BTN2A2: variants seen among roughly 807,000 people sequenced by gnomAD.
BTN2A2 encodes the protein butyrophilin 2.
BTN2A2 carries 29 observed loss-of-function variants against 34.7 expected under a neutral mutation model. That is an observed-to-expected ratio of 0.84 (90% confidence interval 0.62 to 1.14). BTN2A2 has a LOEUF of 1.14. BTN2A2 is among the 50% of genes most tolerant of loss of function. BTN2A2 has a pLI of 0.00. For missense variants in BTN2A2, 612 were observed against 651.5 expected, an observed-to-expected ratio of 0.94 and a Z score of 0.66; for synonymous variants, 240 against 253.1, an observed-to-expected ratio of 0.95 and a Z score of 0.49.
Position 26,393,744 on chromosome 6 carries a change from G to A in BTN2A2, c.*777G>A. ...CTACGTCAGCATTCAGGTTCAATGG[G>A]GACACCAGTGGCTTCAAACTTCCTG... is the stretch of plus-strand genomic sequence containing the variant. On this transcript the variant is annotated 3_prime_UTR_variant, in exon 8 of 8. Transcript: ENST00000356709. 1 of 986,780 alleles carries A rather than the reference G, an allele frequency of 1.0e-6. No homozygotes were observed. The highest frequency in any genetic ancestry group is 1.2e-6 in the Non-Finnish European group (1 of 831,078). The allele number at this position is 986,780 out of a possible 1,614,324, so 61.1% of individuals were successfully genotyped here. A position where few individuals can be genotyped will look rare whatever the true frequency, so the allele number is the denominator to read the frequency against.
Position 26,392,195 on chromosome 6 carries a change from T to C in BTN2A2, c.980-180T>C, listed in dbSNP as rs1440990478. ...GGCACTGCTTCTGTCTCTGGAGAGA[T>C]AGAAGTGCAGCTTCCGTAATTCTCA... On this transcript the variant is annotated intron_variant, in intron 7 of 7. Transcript: ENST00000356709. 2.6e-6 allele frequency: 4 copies of C among 1,522,190 alleles called. No homozygotes were observed. The Admixed American group carries it at 5.9e-5, about 22-fold the overall frequency. The allele number at this position is 1,522,190 out of a possible 1,614,324, so 94.3% of individuals were successfully genotyped here.
rs1761721192 is a variant in BTN2A2 at position 26,393,317 on chromosome 6, A to C, written c.*350A>C. The C allele has an allele frequency of 1.6e-6, 2 of 1,246,976 alleles. No homozygotes were observed. Among genetic ancestry groups the C allele is most frequent in the African/African-American group, 3.1e-5 (2 of 65,090 alleles). The allele number at this position is 1,246,976 out of a possible 1,614,324, so 77.2% of individuals were successfully genotyped here. ...TAAGCCCAATATGCCAGTTGGCACCAGATGCTGTGGACTTGGAATGAGGCC... is the reference window on the plus strand; with the variant it reads ...TAAGCCCAATATGCCAGTTGGCACCCGATGCTGTGGACTTGGAATGAGGCC... On this transcript the variant is annotated 3_prime_UTR_variant, in exon 8 of 8. Coordinates refer to ENST00000356709, the MANE Select transcript of BTN2A2 (RefSeq NM_006995.5).
At chr6:26,388,352 T>G in intron 4 of BTN2A2, 58 bp downstream of exon 4, 3 of 1,586,682 alleles carry the variant, frequency 1.9e-6, no homozygotes, top group Non-Finnish European at 2.6e-6. Flanking sequence ...AGCACCCAGA[T>G]GGAGCCCAGA....
At chr6:26,391,911 C>T in intron 7 of BTN2A2, 1 of 315,986 alleles carries the variant, frequency 3.2e-6, no homozygotes, top group Non-Finnish European at 5.9e-6. Context: ...GGTCCTTCAC[C>T]ACCTAGGACA....
chr6:26,385,442 T>C, intron 3 of BTN2A2, 80 bp downstream of exon 3: 1 of 1,342,356 alleles, frequency 7.4e-7, no homozygotes, highest in East Asian at 2.5e-5. Flanking sequence ...TCAGGCCCAT[T>C]GCAGACCAAC....
Position 26,388,233 on chromosome 6 carries a change from G to A in BTN2A2, c.663G>A (p.Val221=), listed in dbSNP as rs1270342292. The change falls in exon 4 of 8, where the codon GTG becomes GTA. Residue 221 remains valine, a synonymous_variant. Coordinates refer to ENST00000356709, the MANE Select transcript of BTN2A2 (RefSeq NM_006995.5). The part of the protein sequence containing the change: ...VIIRDKYVRN[V]SCSVNNTLLG... ...TCAGAGACAAGTATGTGAGGAATGT[G>A]TCCTGCTCTGTCAACAACACCCTGC... The A allele has an allele frequency of 6.2e-7, 1 of 1,614,098 alleles. No individual in the cohort carries two copies. The highest frequency in any genetic ancestry group is 1.3e-5 in the African/African-American group (1 of 74,936).
chr6:26,392,964 A>G lies in BTN2A2; in HGVS notation c.1569A>G (p.Leu523=). 4 of 1,614,110 alleles carry G rather than the reference A, an allele frequency of 2.5e-6. No homozygotes were observed. In the South Asian group the frequency reaches 4.4e-5, roughly 18 times the overall value. Residue 523 remains leucine, a synonymous_variant, in exon 8 of 8, where the codon CTA becomes CTG. Transcript: ENST00000356709. ...ACAGAGTGGGGACCCACCAGAGCCT[A>G]TAGAATCAATTCCTTGGACTCACAG... ...KLHRVGTHQS[L]
Position 26,390,173 on chromosome 6 carries a change from G to A in BTN2A2, c.893G>A (p.Gly298Glu), listed in dbSNP as rs1488118324. ...KLQREKKILS[G>E]EKKVEQEEKE... Reference sequence around the variant, plus strand: ...CAAAGGGAAAAAAAGATTCTGTCAGGGGAAAAGAAAGTTGAACAAGAGGAA... The same window carrying A: ...CAAAGGGAAAAAAAGATTCTGTCAGAGGAAAAGAAAGTTGAACAAGAGGAA... The change falls in exon 5 of 8, where the codon GGG becomes GAG. Residue 298 changes from glycine (G) to glutamate (E), a missense_variant. Gly to Glu is a moderately conservative substitution (Grantham distance 98). Coordinates refer to ENST00000356709, the MANE Select transcript of BTN2A2 (RefSeq NM_006995.5). The A allele has an allele frequency of 6.2e-7, 1 of 1,614,100 alleles. No homozygotes were observed. Among genetic ancestry groups the A allele is most frequent in the Non-Finnish European group, 8.5e-7 (1 of 1,180,024 alleles).
chr6:26,390,030 C>T lies in BTN2A2; in HGVS notation c.750C>T (p.Pro250=), dbSNP rs1238673849. The part of the protein sequence containing the change: ...IPESFMPSAS[P]WMVALAVILT... ...AATCCTTTATGCCCAGCGCATCTCC[C>T]TGGATGGTGGCCCTAGCTGTCATCC... Residue 250 remains proline, a synonymous_variant, in exon 5 of 8, where the codon CCC becomes CCT. Coordinates refer to ENST00000356709, the MANE Select transcript of BTN2A2 (RefSeq NM_006995.5). 28 of 1,614,080 alleles carry T rather than the reference C, an allele frequency of 1.7e-5. No homozygotes were observed. Among genetic ancestry groups the T allele is most frequent in the Non-Finnish European group, 2.4e-5 (28 of 1,180,020 alleles).
In BTN2A2 at chr6:26,383,577, A is replaced by G; in HGVS notation, c.-30-215A>G. ...CTGTGGCCCGAGAAGTGGGAAGAGGAAGGAGGAAAACGGCCCCCTTGATCT... is the reference window on the plus strand; with the variant it reads ...CTGTGGCCCGAGAAGTGGGAAGAGGGAGGAGGAAAACGGCCCCCTTGATCT... On this transcript the variant is annotated intron_variant, in intron 1 of 7. Coordinates refer to ENST00000356709, the MANE Select transcript of BTN2A2 (RefSeq NM_006995.5). The surrounding 1 kb of genome is among the most constrained non-coding windows in gnomAD (Gnocchi z 4.4). 1 of 488,118 alleles carries G rather than the reference A, an allele frequency of 2.0e-6. No homozygotes were observed. Among genetic ancestry groups the G allele is most frequent in the South Asian group, 2.9e-5 (1 of 34,828 alleles). The allele number at this position is 488,118 out of a possible 1,614,324, so 30.2% of individuals were successfully genotyped here. A position where few individuals can be genotyped will look rare whatever the true frequency, so the allele number is the denominator to read the frequency against.
rs370898208 is a variant in BTN2A2 at position 26,383,966 on chromosome 6, C to T, written c.94+51C>T. On this transcript the variant is annotated intron_variant, in intron 2 of 7. Transcript: ENST00000356709. This position sits in a 1 kb window ranked among gnomAD's most constrained non-coding sequence, Gnocchi z 4.4. ...GTCACCTCTCAGAAAGGAACATCAA[C>T]CCTGTAGTCTGCAAAGGGAAAGAAG... The T allele has an allele frequency of 1.3e-6, 2 of 1,564,120 alleles. No homozygotes were observed. The highest frequency in any genetic ancestry group is 1.4e-5 in the African/African-American group (1 of 73,810).
chr6:26,385,844 C>T (rs1761166981), intron 3 of BTN2A2, among the ~76,000 whole-genome samples: 1 of 152,162 alleles, frequency 6.6e-6, no homozygotes, highest in Non-Finnish European at 1.5e-5. Context: ...GCCACCACGC[C>T]CAGCCTGGGC....
At chr6:26,392,167 G>C (rs1251088287) in intron 7 of BTN2A2, 1 of 1,467,334 alleles carries the variant, frequency 6.8e-7, no homozygotes, top group African/African-American at 1.4e-5. Flanking sequence ...TTCTCAACCT[G>C]GGGGCACTGC....
chr6:26,390,826 G>T lies in BTN2A2; in HGVS notation c.976G>T (p.Ala326Ser). The change falls in exon 7 of 8, where the codon GCT (alanine) becomes TCT (serine). Residue 326 changes from alanine (A) to serine (S), a missense_variant. Transcript: ENST00000356709. ...ELRWRRTFLH[A>S]ADVVLDPDTA... is the part of the protein sequence containing the mutation. ...AGGATGGAGAAGAACATTCTTACAT[G>T]CTGGTGAGTGCCTCTGATGTTCTCT... The T allele has an allele frequency of 6.2e-7, 1 of 1,614,102 alleles. No individual in the cohort carries two copies. Among genetic ancestry groups the T allele is most frequent in the East Asian group, 2.2e-5 (1 of 44,886 alleles).
At chr6:26,390,644 C>A in intron 5 of BTN2A2, 43 bp from the exon 6 acceptor site, 1 of 1,613,700 alleles carries the variant, frequency 6.2e-7, no homozygotes, top group South Asian at 1.1e-5. Flanking sequence ...TCTCTTAGTT[C>A]TTCTGTTGAA....
Position 26,392,916 on chromosome 6 carries a change from G to T in BTN2A2, c.1521G>T (p.Val507=). Residue 507 remains valine (V), a synonymous_variant, in exon 8 of 8, where the codon GTG becomes GTT. Coordinates refer to ENST00000356709, the MANE Select transcript of BTN2A2 (RefSeq NM_006995.5). ...PALTGASGVM[V]PEEGLKLHRV... ...TCACAGGAGCCAGTGGGGTCATGGT[G>T]CCTGAAGAGGGCCTGAAACTTCACA... 6.2e-7 allele frequency: 1 copy of T among 1,614,184 alleles called. No homozygotes were observed. Among genetic ancestry groups the T allele is most frequent in the Non-Finnish European group, 8.5e-7 (1 of 1,180,032 alleles).
At chr6:26,385,839 C>G (rs765890882) in intron 3 of BTN2A2, among the ~76,000 whole-genome samples, 2 of 152,210 alleles carry the variant, frequency 1.3e-5, no homozygotes, top group Non-Finnish European at 2.9e-5. Flanking sequence ...CGTGCGCCAC[C>G]ACGCCCAGCC....
chr6:26,393,723 G>A lies in BTN2A2; in HGVS notation c.*756G>A, dbSNP rs140325542. 3.8e-3 allele frequency: 3,733 copies of A among 987,524 alleles called. 11 individuals are homozygous for A. Among genetic ancestry groups the A allele is most frequent in the Non-Finnish European group, 4.2e-3 (3,462 of 831,528 alleles). The allele number at this position is 987,524 out of a possible 1,614,324, so 61.2% of individuals were successfully genotyped here. On this transcript the variant is annotated 3_prime_UTR_variant, in exon 8 of 8. Coordinates refer to ENST00000356709, the MANE Select transcript of BTN2A2 (RefSeq NM_006995.5). Reference sequence around the variant, plus strand: ...CAGGGCAGTACTGGACCAGGTCTACGTCAGCATTCAGGTTCAATGGGGACA... The same window carrying A: ...CAGGGCAGTACTGGACCAGGTCTACATCAGCATTCAGGTTCAATGGGGACA...
chr6:26,386,116 G>A (rs562200071), intron 3 of BTN2A2, among the ~76,000 whole-genome samples: 1 of 152,214 alleles, frequency 6.6e-6, no homozygotes, highest in East Asian at 1.9e-4. Context: ...TGCAGAGAGA[G>A]TGACTTTTAT....
Sources: gnomAD v4.1 joint callset for allele counts (sites outside exome capture counted in the v4.1 genomes callset) on GRCh38, gnomAD v4.1.1 for gene constraint, Gnocchi (gnomAD v3.1) non-coding constraint, MANE v1.5 for transcripts, NCBI Gene and HGNC (gene_info 2026-07-23, HGNC 2026-07-21) for gene names.